ZNF804B: variants seen among roughly 807,000 people sequenced by gnomAD.
ZNF804B encodes the protein zinc finger 804B.
ZNF804B carries 80 observed loss-of-function variants against 101.4 expected under a neutral mutation model. The observed-to-expected ratio is 0.79, with a 90% CI of 0.66 to 0.95. The LOEUF (loss-of-function observed/expected upper bound fraction) is 0.95. Among genes scored for constraint, ZNF804B ranks in the 40% least tolerant of loss-of-function variants. The probability of loss-of-function intolerance (pLI) is 0.00; values close to 1 mark genes in which losing one functional copy is unlikely to be tolerated. For missense variants in ZNF804B, 1,673 were observed against 1,561.9 expected, an observed-to-expected ratio of 1.07 and a Z score of -1.20; for synonymous variants, 622 against 558.8, an observed-to-expected ratio of 1.11 and a Z score of -1.59.
intron 1 of ZNF804B, among the ~76,000 whole-genome samples, chr7:88,966,383 A>G (rs1189904508): frequency 2.0e-5 from 3 of 151,558 alleles, no homozygotes; most frequent in Admixed American, 6.6e-5. Context: ...ATAACTGTAC[A>G]TCTGAACCAC....
intron 1 of ZNF804B, among the ~76,000 whole-genome samples, chr7:88,994,711 C>G (rs967210318): frequency 6.6e-6 from 1 of 152,024 alleles, no homozygotes; most frequent in Non-Finnish European, 1.5e-5. Flanking sequence ...GTTGGTTCAT[C>G]ATAGATTTGA....
intron 2 of ZNF804B, among the ~76,000 whole-genome samples, chr7:89,276,869 A>G (rs1789989015): frequency 6.6e-6 from 1 of 151,816 alleles, no homozygotes; most frequent in Non-Finnish European, 1.5e-5. Context: ...TCTACTAAAC[A>G]ATGTAGACAG....
intron 1 of ZNF804B, among the ~76,000 whole-genome samples, chr7:89,091,563 G>A (rs538050827): frequency 7.8e-4 from 119 of 152,272 alleles, no homozygotes; most frequent in African/African-American, 2.8e-3. Flanking sequence ...TGATATGGTG[G>A]TCTTGGTCAT....
chr7:88,963,421 G>C (rs1793415211), intron 1 of ZNF804B, among the ~76,000 whole-genome samples: 1 of 151,274 alleles, frequency 6.6e-6, no homozygotes, highest in Non-Finnish European at 1.5e-5. Flanking sequence ...TGAGGAAAAG[G>C]CAGTACTTTC....
chr7:89,053,150 T>G (rs2116269003), intron 1 of ZNF804B, among the ~76,000 whole-genome samples: 1 of 152,272 alleles, frequency 6.6e-6, no homozygotes. Context: ...TAAAAGACGT[T>G]CTGGTTGTGA....
intron 1 of ZNF804B, among the ~76,000 whole-genome samples, chr7:88,977,054 G>A (rs1289160399): frequency 1.3e-5 from 2 of 151,702 alleles, no homozygotes; most frequent in Non-Finnish European, 3.0e-5. Context: ...TGTGTATGTT[G>A]AACCATTCTT....
chr7:89,007,334 A>G (rs1240897301), intron 1 of ZNF804B, among the ~76,000 whole-genome samples: 2 of 150,194 alleles, frequency 1.3e-5, no homozygotes, highest in Non-Finnish European at 3.0e-5. Context: ...TTATGTTTCT[A>G]TTTAATCCAG....
At chr7:89,233,331 A>G (rs1381333028) in intron 2 of ZNF804B, among the ~76,000 whole-genome samples, 1 of 152,214 alleles carries the variant, frequency 6.6e-6, no homozygotes, top group Non-Finnish European at 1.5e-5. Flanking sequence ...TGGGGAACCA[A>G]TAAAATTGTG....
intron 2 of ZNF804B, among the ~76,000 whole-genome samples, chr7:89,255,860 T>G (rs1310798850): frequency 6.6e-6 from 1 of 152,106 alleles, no homozygotes; most frequent in African/African-American, 2.4e-5. Context: ...AAAAAAAGAT[T>G]CATAAAAGTG....
intron 2 of ZNF804B, among the ~76,000 whole-genome samples, chr7:89,246,733 A>T (rs573155466): frequency 6.6e-6 from 1 of 152,148 alleles, no homozygotes; most frequent in Non-Finnish European, 1.5e-5. Context: ...ACTCACCTGG[A>T]TAAGCAGCCT....
intron 1 of ZNF804B, among the ~76,000 whole-genome samples, chr7:88,936,066 C>A (rs1370739157): frequency 6.7e-6 from 1 of 148,466 alleles, no homozygotes; most frequent in African/African-American, 2.5e-5. Context: ...CCTTTCCTTT[C>A]CCCTTCTCTC....
chr7:89,255,239 G>C (rs763265622), intron 2 of ZNF804B, among the ~76,000 whole-genome samples: 5 of 152,096 alleles, frequency 3.3e-5, no homozygotes, highest in Non-Finnish European at 4.4e-5. Flanking sequence ...AGACTCACTC[G>C]CTATTATGAG....
intron 1 of ZNF804B, among the ~76,000 whole-genome samples, chr7:89,182,226 G>A (rs1435327896): frequency 6.6e-6 from 1 of 152,134 alleles, no homozygotes; most frequent in African/African-American, 2.4e-5. Flanking sequence ...GTCTAAAATT[G>A]AGATGCCATG....
In ZNF804B at chr7:89,111,318, A is replaced by C. The variant is rs932329166; in HGVS notation, c.109-106837A>C. On this transcript the variant is annotated intron_variant, in intron 1 of 3. Transcript: ENST00000333190. ...GTAAGAAACTGTCAAACTGTCTTCC[A>C]AAGTGGCTGGTATGAATTTGCATTC... Among the ~76,000 whole-genome samples the C allele has an allele frequency of 3.9e-5, 6 of 152,250 alleles. No individual in the cohort carries two copies. In the East Asian group the frequency reaches 1.2e-3, roughly 29 times the overall value.
intron 1 of ZNF804B, among the ~76,000 whole-genome samples, chr7:89,121,868 A>G (rs1438185480): frequency 6.6e-6 from 1 of 152,136 alleles, no homozygotes; most frequent in Non-Finnish European, 1.5e-5. Flanking sequence ...AACTTACCCT[A>G]AAGACAATTT....
chr7:89,257,347 A>G (rs773299956), intron 2 of ZNF804B, among the ~76,000 whole-genome samples: 5 of 152,140 alleles, frequency 3.3e-5, no homozygotes, highest in Admixed American at 1.3e-4. Context: ...ATAAAATACT[A>G]TATTTTATAA....
intron 1 of ZNF804B, among the ~76,000 whole-genome samples, chr7:88,808,981 CTGTT>C (rs1350464859): frequency 6.6e-6 from 1 of 152,112 alleles, no homozygotes; most frequent in Non-Finnish European, 1.5e-5. Context: ...AACCTCAAAA[CTGTT>C]TGTAGTGATA....
At chr7:88,882,415 C>T (rs1399043744) in intron 1 of ZNF804B, among the ~76,000 whole-genome samples, 1 of 152,154 alleles carries the variant, frequency 6.6e-6, no homozygotes, top group Non-Finnish European at 1.5e-5. Flanking sequence ...CGCTTATACA[C>T]TGATGGTGGG....
intron 2 of ZNF804B, among the ~76,000 whole-genome samples, chr7:89,254,262 T>A (rs1331489300): frequency 6.6e-6 from 1 of 152,080 alleles, no homozygotes; most frequent in East Asian, 1.9e-4. Context: ...GTCATGTTAC[T>A]AGATAAATAT....
Sources: allele counts gnomAD v4.1 joint callset (sites outside exome capture counted in the v4.1 genomes callset), GRCh38; gene constraint gnomAD v4.1.1; transcripts MANE v1.5; gene names NCBI Gene and HGNC (gene_info 2026-07-23, HGNC 2026-07-21).